The following TNR variants were observed in gnomAD, a reference collection of about 807,000 sequenced individuals.
TNR encodes the protein tenascin R, also known as tenascin-R.
Under a neutral mutation model 150.4 loss-of-function variants are expected in TNR, and 45 were observed. That is an observed-to-expected ratio of 0.30 (90% CI 0.24 to 0.38). TNR has a LOEUF of 0.38. Among genes scored for constraint, TNR ranks in the 10% least tolerant of loss-of-function variants. The pLI, the probability that TNR is intolerant of heterozygous loss-of-function variation, is 1.00. For synonymous variants in TNR, 687 were observed against 678.4 expected (o/e 1.01, Z -0.20); for missense variants, 1,544 against 1,759.1 (o/e 0.88, Z 2.19).
At chr1:175,524,530 G>A (rs1415174759) in intron 2 of TNR, among the ~76,000 whole-genome samples, 1 of 152,124 alleles carries the variant, frequency 6.6e-6, no homozygotes, top group East Asian at 1.9e-4. Flanking sequence ...GGGTGGATCA[G>A]GCTATAGAGG....
chr1:175,664,903 C>T (rs563020595), intron 1 of TNR, among the ~76,000 whole-genome samples: 1 of 152,266 alleles, frequency 6.6e-6, no homozygotes, highest in African/African-American at 2.4e-5. Context: ...CCAGGGATGG[C>T]CCAAAGACAG....
chr1:175,706,123 T>C (rs765614689), intron 1 of TNR, among the ~76,000 whole-genome samples: 8 of 152,002 alleles, frequency 5.3e-5, no homozygotes, highest in Non-Finnish European at 1.0e-4. Flanking sequence ...ATCAATGAGA[T>C]AAAATGTAAC....
At chr1:175,449,707 A>G (rs989400193) in intron 2 of TNR, among the ~76,000 whole-genome samples, 2 of 152,210 alleles carry the variant, frequency 1.3e-5, no homozygotes, top group Non-Finnish European at 2.9e-5. Flanking sequence ...TGGGATGGTT[A>G]GCATGTTGGG....
intron 2 of TNR, among the ~76,000 whole-genome samples, chr1:175,452,828 A>G (rs1656386220): frequency 6.6e-6 from 1 of 152,238 alleles, no homozygotes. Context: ...GATAAATGGA[A>G]AAACAAAATG....
At chr1:175,444,086 C>T (rs1557937850) in intron 2 of TNR, among the ~76,000 whole-genome samples, 1 of 152,036 alleles carries the variant, frequency 6.6e-6, no homozygotes, top group Non-Finnish European at 1.5e-5. Context: ...CAGGGAGGCC[C>T]CAGCCAACTT....
At position 175,637,790 on chromosome 1, in the gene TNR, G is replaced by A. The variant is rs531936268; in HGVS notation, c.-165+105436C>T. On this transcript the variant is annotated intron_variant, in intron 1 of 22. Coordinates refer to ENST00000367674, the MANE Select transcript of TNR (RefSeq NM_003285.3). ...AATGTCCTCTAGGCTCCTTTTCATTGTCTAAAGCTTGTCTCAGCTGTGAGT... is the reference window on the plus strand; with the variant it reads ...AATGTCCTCTAGGCTCCTTTTCATTATCTAAAGCTTGTCTCAGCTGTGAGT... Among the ~76,000 whole-genome samples, 4 of 152,268 alleles carry A rather than the reference G, an allele frequency of 2.6e-5. No homozygotes were observed. In the South Asian group the frequency reaches 6.2e-4, roughly 24 times the overall value.
chr1:175,538,568 G>C (rs1196282906), intron 1 of TNR, among the ~76,000 whole-genome samples: 1 of 152,200 alleles, frequency 6.6e-6, no homozygotes, highest in Non-Finnish European at 1.5e-5. Flanking sequence ...AGGTTGTTGT[G>C]TAGCCTTATG....
intron 1 of TNR, among the ~76,000 whole-genome samples, chr1:175,602,701 G>C (rs1053453850): frequency 6.6e-6 from 1 of 152,168 alleles, no homozygotes; most frequent in African/African-American, 2.4e-5. Context: ...CCTTTTATTA[G>C]TATCCAAGAA....
At chr1:175,710,682 C>T (rs1242764434) in intron 1 of TNR, among the ~76,000 whole-genome samples, 1 of 152,168 alleles carries the variant, frequency 6.6e-6, no homozygotes, top group Non-Finnish European at 1.5e-5. Context: ...CTTCCACTCT[C>T]CAAGCTTAGG....
At chr1:175,588,166 A>C (rs562370837) in intron 1 of TNR, among the ~76,000 whole-genome samples, 1 of 152,366 alleles carries the variant, frequency 6.6e-6, no homozygotes, top group South Asian at 2.1e-4. Context: ...GGAATTCAAT[A>C]AGATATTCCA....
At chr1:175,587,356 C>T (rs1662613977) in intron 1 of TNR, among the ~76,000 whole-genome samples, 1 of 152,162 alleles carries the variant, frequency 6.6e-6, no homozygotes, top group South Asian at 2.1e-4. Flanking sequence ...CCCAGCCACT[C>T]GCATAGCTGA....
At chr1:175,549,409 T>A (rs16848600) in intron 1 of TNR, among the ~76,000 whole-genome samples, 8,440 of 152,272 alleles carry the variant, frequency 0.055, 330 homozygotes, top group African/African-American at 0.11. Flanking sequence ...CATAGTTATT[T>A]CTGCTCCCTC....
intron 1 of TNR, among the ~76,000 whole-genome samples, chr1:175,635,275 C>T (rs1173645606): frequency 3.3e-5 from 5 of 152,184 alleles, no homozygotes; most frequent in Non-Finnish European, 4.4e-5. Context: ...AGCTCCATCT[C>T]GAGTGTGTTC....
intron 18 of TNR, among the ~76,000 whole-genome samples, chr1:175,346,997 A>G (rs550186377): frequency 3.9e-5 from 6 of 152,254 alleles, no homozygotes; most frequent in African/African-American, 1.4e-4. Flanking sequence ...TCAAAACCCA[A>G]TAAAGAGGTA....
chr1:175,674,160 G>C (rs1467130589), intron 1 of TNR, among the ~76,000 whole-genome samples: 1 of 152,172 alleles, frequency 6.6e-6, no homozygotes, highest in Non-Finnish European at 1.5e-5. Context: ...AGCTTGACCA[G>C]GGAGGAGATG....
intron 1 of TNR, among the ~76,000 whole-genome samples, chr1:175,671,971 C>T (rs1187801607): frequency 7.1e-6 from 1 of 141,024 alleles, no homozygotes; most frequent in Non-Finnish European, 1.5e-5. Flanking sequence ...GAAAGGAATA[C>T]CAATCTTTAA....
At chr1:175,436,138 G>T (rs1655497876) in intron 2 of TNR, among the ~76,000 whole-genome samples, 1 of 152,140 alleles carries the variant, frequency 6.6e-6, no homozygotes, top group Non-Finnish European at 1.5e-5. Context: ...TTCTCGAGGA[G>T]TATCTTTGTG....
chr1:175,607,090 G>C (rs1400047177), intron 1 of TNR, among the ~76,000 whole-genome samples: 3 of 152,186 alleles, frequency 2.0e-5, no homozygotes, highest in African/African-American at 7.2e-5. Context: ...AAAGTTGGTA[G>C]AGTTTGTTCT....
intron 1 of TNR, among the ~76,000 whole-genome samples, chr1:175,569,371 T>C (rs1354012063): frequency 6.6e-6 from 1 of 152,178 alleles, no homozygotes; most frequent in Admixed American, 6.5e-5. Flanking sequence ...TCCCAAATTG[T>C]GTCCACAAAA....
Sources: allele counts gnomAD v4.1 joint callset (sites outside exome capture counted in the v4.1 genomes callset), GRCh38; gene constraint gnomAD v4.1.1; transcripts MANE v1.5; gene names NCBI Gene and HGNC (gene_info 2026-07-23, HGNC 2026-07-21).